Variants in LRP1B observed in about 807,000 individuals in gnomAD.
LRP1B encodes LDL receptor related protein 1B.
Under a neutral mutation model 556.6 loss-of-function variants are expected in LRP1B, and 217 were observed. That is an observed-to-expected ratio of 0.39 (90% CI 0.35 to 0.44). The LOEUF (loss-of-function observed/expected upper bound fraction) is 0.44, where lower values mean the gene tolerates loss of function less well. Ranked by LOEUF, LRP1B falls within the 20% of genes least tolerant of loss-of-function variation. The pLI is 1.00. For synonymous variants in LRP1B, 2,047 were observed against 1,865.8 expected, an observed-to-expected ratio of 1.10 and a Z score of -2.50; for missense variants, 5,053 against 5,620.8, an observed-to-expected ratio of 0.90 and a Z score of 3.23.
intron 35 of LRP1B, among the ~76,000 whole-genome samples, chr2:140,751,928 T>G (rs1010185763): frequency 6.6e-6 from 1 of 152,182 alleles, no homozygotes; most frequent in Non-Finnish European, 1.5e-5. Flanking sequence ...GTAGGATATA[T>G]ATACGCAGTA....
chr2:141,916,255 A>G (rs957492191), intron 1 of LRP1B, among the ~76,000 whole-genome samples: 1 of 152,216 alleles, frequency 6.6e-6, no homozygotes, highest in African/African-American at 2.4e-5. Flanking sequence ...AAAAAATGAA[A>G]TCATGTATTT....
At chr2:140,589,561 G>A (rs1682131610) in intron 43 of LRP1B, among the ~76,000 whole-genome samples, 1 of 152,122 alleles carries the variant, frequency 6.6e-6, no homozygotes. Flanking sequence ...CTTTCAACAA[G>A]TGAATAAAGA....
chr2:141,919,063 A>C (rs1700111469), intron 1 of LRP1B, among the ~76,000 whole-genome samples: 1 of 152,104 alleles, frequency 6.6e-6, no homozygotes, highest in Non-Finnish European at 1.5e-5. Context: ...TGCAGCTTTA[A>C]AAAGATAAGT....
chr2:140,345,975 TTTTC>T (rs909553674), intron 77 of LRP1B, among the ~76,000 whole-genome samples: 8 of 150,350 alleles, frequency 5.3e-5, no homozygotes, highest in African/African-American at 1.7e-4. Flanking sequence ...TTATCTGAAT[TTTTC>T]TTTCTTAGAT....
At chr2:140,974,008 A>G (rs910956273) in intron 18 of LRP1B, among the ~76,000 whole-genome samples, 3 of 152,182 alleles carry the variant, frequency 2.0e-5, no homozygotes, top group Non-Finnish European at 4.4e-5. Context: ...GTAAGAAAAA[A>G]GCTGAAAGAA....
intron 2 of LRP1B, among the ~76,000 whole-genome samples, chr2:141,607,921 TTAAA>T (rs1328278585): frequency 5.3e-5 from 8 of 151,982 alleles, no homozygotes; most frequent in Admixed American, 3.9e-4. Flanking sequence ...AGATACTGTC[TTAAA>T]TAAATAAATA....
intron 3 of LRP1B, among the ~76,000 whole-genome samples, chr2:141,315,481 T>C (rs969521197): frequency 6.6e-6 from 1 of 151,742 alleles, no homozygotes; most frequent in Non-Finnish European, 1.5e-5. Context: ...GGATGGTCTC[T>C]GTCTCCTGAC....
intron 41 of LRP1B, among the ~76,000 whole-genome samples, chr2:140,677,876 C>CAAAAAAAAAAAAAAAAAAA: frequency 1.3e-5 from 1 of 75,274 alleles, no homozygotes; most frequent in Non-Finnish European, 3.0e-5. Flanking sequence ...AACTATGTCT[C>CAAAAAAAAAAAAAAAAAAA]AAAAAAAAAA....
intron 2 of LRP1B, among the ~76,000 whole-genome samples, chr2:141,668,297 TG>T (rs1283011073): frequency 6.6e-6 from 1 of 152,164 alleles, no homozygotes; most frequent in African/African-American, 2.4e-5. Context: ...GGGTAGAGGA[TG>T]GTGGTTCTCC....
chr2:140,311,144 T>C (rs1684279112), intron 83 of LRP1B, among the ~76,000 whole-genome samples: 2 of 151,894 alleles, frequency 1.3e-5, no homozygotes, highest in African/African-American at 4.8e-5. Context: ...AAAATAAAAC[T>C]ACCATTTGAT....
intron 1 of LRP1B, among the ~76,000 whole-genome samples, chr2:141,979,192 CTG>C (rs1015271589): frequency 9.2e-5 from 14 of 151,964 alleles, no homozygotes; most frequent in African/African-American, 3.4e-4. Flanking sequence ...TTCTTTAAAT[CTG>C]GACCTAAATT....
At chr2:140,598,550 A>G in intron 43 of LRP1B, 81 bp downstream of exon 43, 1 of 1,038,220 alleles carries the variant, frequency 9.6e-7, no homozygotes, top group Non-Finnish European at 1.4e-6. Flanking sequence ...CTTGATATGT[A>G]CATTTTAGGA....
chr2:141,826,461 G>A (rs1319893668), intron 1 of LRP1B, among the ~76,000 whole-genome samples: 2 of 142,674 alleles, frequency 1.4e-5, no homozygotes, highest in African/African-American at 5.2e-5. Context: ...CTGGGTTCAC[G>A]CCATTCTCCT....
At chr2:141,890,881 T>G (rs995009012) in intron 1 of LRP1B, among the ~76,000 whole-genome samples, 1 of 152,118 alleles carries the variant, frequency 6.6e-6, no homozygotes, top group Admixed American at 6.6e-5. Context: ...AGATTATTGT[T>G]TATGCATTAT....
At chr2:140,558,512 A>C (rs767561653) in intron 43 of LRP1B, among the ~76,000 whole-genome samples, 1 of 152,156 alleles carries the variant, frequency 6.6e-6, no homozygotes, top group African/African-American at 2.4e-5. Context: ...CACATATTAT[A>C]TGATTTAATT....
At chr2:140,597,066 AC>A (rs1396007895) in intron 43 of LRP1B, among the ~76,000 whole-genome samples, 2 of 152,204 alleles carry the variant, frequency 1.3e-5, no homozygotes, top group Non-Finnish European at 2.9e-5. Flanking sequence ...CATTTTATTA[AC>A]AAAAATATTA....
At chr2:140,980,204 G>A (rs2105340811) in intron 18 of LRP1B, among the ~76,000 whole-genome samples, 1 of 152,126 alleles carries the variant, frequency 6.6e-6, no homozygotes, top group Middle Eastern at 3.4e-3. Context: ...TTTCTTATCT[G>A]AATTGAGACT....
intron 3 of LRP1B, among the ~76,000 whole-genome samples, chr2:141,433,081 T>C (rs1680624666): frequency 6.6e-6 from 1 of 152,102 alleles, no homozygotes; most frequent in Non-Finnish European, 1.5e-5. Flanking sequence ...TTGGTGTTTA[T>C]GTTTTCATTT....
intron 1 of LRP1B, among the ~76,000 whole-genome samples, chr2:142,034,293 T>C (rs187902594): frequency 1.6e-4 from 24 of 151,938 alleles, no homozygotes; most frequent in Non-Finnish European, 2.7e-4. Context: ...TCGAATAAAC[T>C]ATTAATATTT....
Sources: allele counts gnomAD v4.1 joint callset (sites outside exome capture counted in the v4.1 genomes callset), GRCh38; gene constraint gnomAD v4.1.1; transcripts MANE v1.5; gene names NCBI Gene and HGNC (gene_info 2026-07-23, HGNC 2026-07-21).